The following SLC5A11 variants were observed in gnomAD, a reference collection of about 807,000 sequenced individuals.
SLC5A11 encodes solute carrier family 5 member 11, also known as sodium/myo-inositol cotransporter 2.
A neutral mutation model predicts 69.8 loss-of-function variants in SLC5A11; 48 were observed. The observed-to-expected ratio is 0.69, with a 90% CI of 0.55 to 0.87. The LOEUF is 0.87. Ranked by LOEUF, SLC5A11 falls within the 40% of genes least tolerant of loss-of-function variation. SLC5A11 has a pLI of 0.00. For synonymous variants in SLC5A11, 319 were observed against 342.4 expected, an observed-to-expected ratio of 0.93 and a Z score of 0.75; for missense variants, 784 against 866.1, an observed-to-expected ratio of 0.91 and a Z score of 1.19.
chr16:24,908,890 T>G (rs1436180684), exon 14 of SLC5A11: 1 of 1,613,434 alleles, frequency 6.2e-7, no homozygotes, highest in East Asian at 2.2e-5. Context: ...GGGTGCCTTC[T>G]GGGGCCTGAT....
At chr16:24,850,429 T>A (rs1457228979) in intron 1 of SLC5A11, among the ~76,000 whole-genome samples, 2 of 152,204 alleles carry the variant, frequency 1.3e-5, no homozygotes, top group Non-Finnish European at 2.9e-5. Context: ...CTGCCTCCAC[T>A]AGGCTCCCTA....
intron 1 of SLC5A11, among the ~76,000 whole-genome samples, chr16:24,849,588 AAAAAAATATATATAT>A (rs2059185445): frequency 1.0e-5 from 1 of 99,532 alleles, no homozygotes; most frequent in East Asian, 2.5e-4. Context: ...AAAAAAAAAA[AAAAAAATATATATAT>A]ATATATATAT....
chr16:24,870,285 C>T (rs925890903), intron 4 of SLC5A11, among the ~76,000 whole-genome samples: 2 of 151,610 alleles, frequency 1.3e-5, no homozygotes, highest in Admixed American at 6.6e-5. Flanking sequence ...CCCAGCTACT[C>T]GGGAGGCTGA....
At chr16:24,884,383 T>G (rs1434738737) in intron 8 of SLC5A11, among the ~76,000 whole-genome samples, 1 of 152,102 alleles carries the variant, frequency 6.6e-6, no homozygotes, top group Admixed American at 6.6e-5. Flanking sequence ...CAGGCTGGAG[T>G]GCAGTGCTGT....
At chr16:24,909,057 C>T in exon 14 of SLC5A11, 1 of 1,614,156 alleles carries the variant, frequency 6.2e-7, no homozygotes, top group Non-Finnish European at 8.5e-7. Context: ...TCACTGTCTC[C>T]ACCGTGAGCT....
exon 8 of SLC5A11, chr16:24,884,097 C>T (rs2048232655): frequency 6.2e-7 from 1 of 1,613,984 alleles, no homozygotes; most frequent in Admixed American, 1.7e-5. Flanking sequence ...AGACGCTGAT[C>T]ATGCTTATAG....
rs934667705 is a variant in SLC5A11, at chr16:24,874,706, C to T, written c.373-921C>T. Among the ~76,000 whole-genome samples the T allele has an allele frequency of 3.9e-5, 6 of 152,198 alleles. 1 individual carries two copies. Among genetic ancestry groups the T allele is most frequent in the Admixed American group, 1.3e-4 (2 of 15,260 alleles). ...CTCACTCCGTCCCCCACCACACACACACTGCCCCAGTAGCTGGGACTACAG... is the reference window on the plus strand; with the variant it reads ...CTCACTCCGTCCCCCACCACACACATACTGCCCCAGTAGCTGGGACTACAG... On this transcript the variant is annotated intron_variant, in intron 5 of 15. Transcript: ENST00000347898.
At chr16:24,864,307 G>T (rs1479461518) in intron 3 of SLC5A11, among the ~76,000 whole-genome samples, 1 of 152,170 alleles carries the variant, frequency 6.6e-6, no homozygotes, top group Non-Finnish European at 1.5e-5. Flanking sequence ...GAATTGCAAA[G>T]ACTGGGAAAA....
chr16:24,860,223 C>G (rs938725237), intron 2 of SLC5A11, among the ~76,000 whole-genome samples: 6 of 151,972 alleles, frequency 3.9e-5, no homozygotes, highest in Non-Finnish European at 8.8e-5. Context: ...GGAGGCAGAG[C>G]TTGCAGTGAG....
chr16:24,907,012 C>G lies in SLC5A11; in HGVS notation c.1115-13C>G, dbSNP rs759195007. On this transcript the variant is annotated splice_polypyrimidine_tract_variant and intron_variant, in intron 11 of 15. Coordinates refer to ENST00000347898, the Ensembl canonical transcript of SLC5A11. ...AAAAGGACCGAGGCCCATGACCTCC[C>G]TTCCGCCCCCAGGGCTCCGTGGGCT... 1 of 1,612,786 alleles carries G rather than the reference C, an allele frequency of 6.2e-7. No homozygotes were observed. Among genetic ancestry groups the G allele is most frequent in the Non-Finnish European group, 8.5e-7 (1 of 1,179,370 alleles).
At chr16:24,860,810 A>G (rs1473626137) in intron 2 of SLC5A11, among the ~76,000 whole-genome samples, 1 of 151,896 alleles carries the variant, frequency 6.6e-6, no homozygotes, top group Non-Finnish European at 1.5e-5. Flanking sequence ...GGTTCATGCC[A>G]TTCTCCTGCC....
At position 24,891,019 on chromosome 16, in the gene SLC5A11, C is replaced by T. The variant is rs1022448043; in HGVS notation, c.815C>T (p.Pro272Leu). ...CCGCTGACATCTGATCTCCCGTGGC[C>T]GGGGGTCCTATTTGGAATGTCCATC... Residue 272 changes from proline to leucine, a missense_variant, in exon 9 of 16, where the codon CCG becomes CTG. Pro to Leu is a moderately conservative substitution (Grantham distance 98, BLOSUM62 -3). Transcript: ENST00000347898. 20 of 1,614,132 alleles carry T rather than the reference C, an allele frequency of 1.2e-5. No homozygotes were observed. The Middle Eastern group carries it at 1.8e-3, about 146-fold the overall frequency.
At chr16:24,867,540 A>G (rs2046991362) in intron 3 of SLC5A11, among the ~76,000 whole-genome samples, 1 of 152,160 alleles carries the variant, frequency 6.6e-6, no homozygotes, top group Admixed American at 6.6e-5. Context: ...AACAAAATGT[A>G]GAATAGAAAA....
rs71156449 is a variant in SLC5A11, at chr16:24,870,442, A to ACCACACACACAC, written c.312+437_312+438insCCACACACACAC. On this transcript the variant is annotated intron_variant, in intron 4 of 15. Transcript: ENST00000347898. The stretch of plus-strand genomic sequence containing the variant: ...AAACAAAACAAAAAAAACAAAAAAA[A>ACCACACACACAC]ACACACACACACACACACACACAAA... Among the ~76,000 whole-genome samples, 328 of 140,584 alleles carry ACCACACACACAC rather than the reference A, an allele frequency of 2.3e-3. 1 individual carries two copies. Among genetic ancestry groups the ACCACACACACAC allele is most frequent in the East Asian group, 0.019 (89 of 4,700 alleles). The allele number at this position is 140,584 out of a possible 152,430, so 92.2% of individuals were successfully genotyped here. A position where few individuals can be genotyped will look rare whatever the true frequency, so the allele number is the denominator to read the frequency against.
At chr16:24,847,320 C>CT (rs2059070651) in intron 1 of SLC5A11, among the ~76,000 whole-genome samples, 1 of 126,370 alleles carries the variant, frequency 7.9e-6, no homozygotes, top group Non-Finnish European at 1.7e-5. Flanking sequence ...TCTTTCTTCT[C>CT]TCTCTTTTAT....
At chr16:24,865,268 A>C (rs2152279918) in intron 3 of SLC5A11, among the ~76,000 whole-genome samples, 1 of 152,350 alleles carries the variant, frequency 6.6e-6, no homozygotes, top group Non-Finnish European at 1.5e-5. Flanking sequence ...CATTACATAC[A>C]GGAAGTCTTC....
intron 7 of SLC5A11, among the ~76,000 whole-genome samples, chr16:24,881,530 C>T (rs989103414): frequency 2.6e-5 from 4 of 152,072 alleles, no homozygotes; most frequent in Non-Finnish European, 4.4e-5. Context: ...TCAAGTGATC[C>T]GCCTGCATCA....
intron 9 of SLC5A11, among the ~76,000 whole-genome samples, chr16:24,893,322 G>A (rs1298294436): frequency 1.3e-5 from 2 of 151,028 alleles, no homozygotes; most frequent in African/African-American, 4.9e-5. Flanking sequence ...AATTATGCCG[G>A]GCACAGTGAC....
At chr16:24,851,764 A>C (rs1188561722) in intron 1 of SLC5A11, among the ~76,000 whole-genome samples, 1 of 152,174 alleles carries the variant, frequency 6.6e-6, no homozygotes, top group Admixed American at 6.5e-5. Flanking sequence ...TAGATGGGAA[A>C]TTGAGCCTCA....
Sources: allele counts gnomAD v4.1 joint callset (sites outside exome capture counted in the v4.1 genomes callset), GRCh38; gene constraint gnomAD v4.1.1; transcripts MANE v1.5; gene names NCBI Gene and HGNC (gene_info 2026-07-23, HGNC 2026-07-21).